The following ADAMTS20 variants were observed in gnomAD, a reference collection of about 807,000 sequenced individuals.
ADAMTS20 encodes A disintegrin and metalloproteinase with thrombospondin motifs 20.
ADAMTS20 carries 225 observed loss-of-function variants against 260.1 expected under a neutral mutation model. That is an observed-to-expected ratio of 0.87 (90% CI 0.78 to 0.97). The LOEUF is 0.97. Ranked by LOEUF, ADAMTS20 falls within the 50% of genes least tolerant of loss-of-function variation. The pLI, the probability that ADAMTS20 is intolerant of heterozygous loss-of-function variation, is 0.00. For synonymous variants in ADAMTS20, 802 were observed against 769.5 expected (o/e 1.04, Z -0.70); for missense variants, 2,400 against 2,337.7 (o/e 1.03, Z -0.55).
At chr12:43,407,476 A>C (rs1447985414) in intron 28 of ADAMTS20, among the ~76,000 whole-genome samples, 1 of 151,604 alleles carries the variant, frequency 6.6e-6, no homozygotes, top group Non-Finnish European at 1.5e-5. Context: ...ATTTAAAGAT[A>C]ATTTACTATA....
At chr12:43,488,469 G>A (rs74915395) in intron 7 of ADAMTS20, among the ~76,000 whole-genome samples, 3,656 of 152,168 alleles carry the variant, frequency 0.024, 69 homozygotes, top group East Asian at 0.079. Flanking sequence ...TGTATCGCAT[G>A]TCTTGCCAAG....
chr12:43,375,434 A>C lies in ADAMTS20; in HGVS notation c.5391T>G (p.Ala1797=), dbSNP rs1384943159. ...DCECDNGHLA[A]GYTVFSKIRI... ...TTATTTTGCTGAAAACAGTGTATCC[A>C]GCAGCTAAGTGTCCATTGTCACATT... is the stretch of plus-strand genomic sequence containing the variant. Residue 1797 remains alanine, a synonymous_variant, in exon 36 of 39, where the codon GCT becomes GCG. Transcript: ENST00000389420. The C allele has an allele frequency of 1.2e-6, 2 of 1,613,750 alleles. No homozygotes were observed. Among genetic ancestry groups the C allele is most frequent in the East Asian group, 4.5e-5 (2 of 44,832 alleles).
chr12:43,443,642 A>G (rs1941707449), intron 16 of ADAMTS20, 149 bp downstream of exon 16: 4 of 488,148 alleles, frequency 8.2e-6, no homozygotes, highest in Non-Finnish European at 1.5e-5. Flanking sequence ...GCTTAAGAAC[A>G]TATGTATAGG....
chr12:43,432,212 T>G, intron 21 of ADAMTS20, 92 bp downstream of exon 21: 1 of 1,320,556 alleles, frequency 7.6e-7, no homozygotes, highest in South Asian at 1.5e-5. Context: ...ATGAAATAAA[T>G]TTAAGCACTT....
In ADAMTS20 at chr12:43,517,279, G is replaced by T. The variant is rs914396461; in HGVS notation, c.613+14757C>A. The stretch of plus-strand genomic sequence containing the variant: ...AAAGGAAGAAATAAACTGTCTACAT[G>T]ATTACCAAGGTACCGAATCCAAAAG... On this transcript the variant is annotated intron_variant, in intron 3 of 38. Transcript: ENST00000389420. Among the ~76,000 whole-genome samples, 11 of 152,102 alleles carry T rather than the reference G, an allele frequency of 7.2e-5. No individual in the cohort carries two copies. In the South Asian group the frequency reaches 8.3e-4, roughly 11 times the overall value.
At chr12:43,367,335 T>C (rs951421141) in intron 37 of ADAMTS20, among the ~76,000 whole-genome samples, 1 of 151,998 alleles carries the variant, frequency 6.6e-6, no homozygotes, top group East Asian at 1.9e-4. Context: ...ATGAAAATAA[T>C]TACATCCCAT....
chr12:43,402,553 T>A (rs1184193355), intron 28 of ADAMTS20, among the ~76,000 whole-genome samples: 1 of 152,016 alleles, frequency 6.6e-6, no homozygotes, highest in African/African-American at 2.4e-5. Context: ...TGCAAACAGT[T>A]ATGTTTTAGT....
Position 43,431,335 on chromosome 12 carries a change from A to T in ADAMTS20, c.3258T>A (p.Gly1086=), listed in dbSNP as rs773794304. ...AAAACCCATATCATATACTCACAGG[A>T]CCCCATGGTCCTACTTGCCAGGAAG... ...TCASWQVGPW[G]PCTTTCGHGY... Residue 1086 remains glycine (G), a synonymous_variant, in exon 22 of 39, where the codon GGT becomes GGA. Transcript: ENST00000389420. The T allele has an allele frequency of 1.2e-6, 2 of 1,613,714 alleles. No individual in the cohort carries two copies. The highest frequency in any genetic ancestry group is 1.7e-6 in the Non-Finnish European group (2 of 1,179,736).
At chr12:43,539,433 A>G (rs1417869114) in intron 2 of ADAMTS20, among the ~76,000 whole-genome samples, 4 of 152,238 alleles carry the variant, frequency 2.6e-5, no homozygotes, top group Non-Finnish European at 5.9e-5. Context: ...ACTACTGACT[A>G]TAAAGCACTG....
intron 2 of ADAMTS20, among the ~76,000 whole-genome samples, chr12:43,541,231 A>G (rs1257044476): frequency 2.6e-5 from 4 of 152,164 alleles, no homozygotes; most frequent in Non-Finnish European, 4.4e-5. Context: ...TATCATAAGA[A>G]TCAGTATGAT....
chr12:43,538,925 A>T (rs1356905808), intron 2 of ADAMTS20, among the ~76,000 whole-genome samples: 8 of 119,690 alleles, frequency 6.7e-5, no homozygotes, highest in Non-Finnish European at 8.9e-5. Context: ...CCTTGGGTAA[A>T]TAATTCTTTA....
chr12:43,382,001 T>C (rs1207154428), intron 31 of ADAMTS20, among the ~76,000 whole-genome samples: 1 of 152,068 alleles, frequency 6.6e-6, no homozygotes, highest in Non-Finnish European at 1.5e-5. Context: ...CTGATGATGA[T>C]ATGGAGAGAG....
At chr12:43,390,748 T>C (rs1459663725) in intron 29 of ADAMTS20, among the ~76,000 whole-genome samples, 1 of 152,226 alleles carries the variant, frequency 6.6e-6, no homozygotes, top group Non-Finnish European at 1.5e-5. Flanking sequence ...ACATTCTGTT[T>C]GCAACTACTT....
At chr12:43,370,509 T>C (rs977466796) in intron 36 of ADAMTS20, among the ~76,000 whole-genome samples, 2 of 152,190 alleles carry the variant, frequency 1.3e-5, no homozygotes, top group African/African-American at 4.8e-5. Context: ...TCAAAGCATC[T>C]ATTGTTACTA....
intron 2 of ADAMTS20, among the ~76,000 whole-genome samples, chr12:43,533,332 T>G (rs1943252281): frequency 6.6e-6 from 1 of 151,730 alleles, no homozygotes; most frequent in African/African-American, 2.4e-5. Context: ...TTCATGTGTT[T>G]TTTACAAACA....
At chr12:43,522,213 AAGG>A (rs67140776) in intron 3 of ADAMTS20, among the ~76,000 whole-genome samples, 55,141 of 151,774 alleles carry the variant, frequency 0.36, 10,551 homozygotes, top group East Asian at 0.75. Flanking sequence ...AGGCGGCAGG[AAGG>A]AGAAGTGCAA....
At chr12:43,513,924 G>T (rs542799407) in intron 3 of ADAMTS20, among the ~76,000 whole-genome samples, 20 of 134,346 alleles carry the variant, frequency 1.5e-4, no homozygotes, top group Admixed American at 1.4e-3. Context: ...GTGAGGGGAG[G>T]GGGGAGGGAT....
intron 7 of ADAMTS20, among the ~76,000 whole-genome samples, chr12:43,469,647 C>T (rs1942217402): frequency 6.6e-6 from 1 of 152,054 alleles, no homozygotes; most frequent in Non-Finnish European, 1.5e-5. Context: ...CATAGATAAT[C>T]AGTTTCTTAC....
At chr12:43,449,564 T>G (rs1297379623) in intron 14 of ADAMTS20, among the ~76,000 whole-genome samples, 1 of 151,934 alleles carries the variant, frequency 6.6e-6, no homozygotes, top group Non-Finnish European at 1.5e-5. Flanking sequence ...GATGAAATAA[T>G]CTGTACAACA....
Sources: gnomAD v4.1 joint callset for allele counts (sites outside exome capture counted in the v4.1 genomes callset) on GRCh38, gnomAD v4.1.1 for gene constraint, MANE v1.5 for transcripts, NCBI Gene and HGNC (gene_info 2026-07-23, HGNC 2026-07-21) for gene names.